The following XRCC4 variants were observed in gnomAD, a reference collection of about 807,000 sequenced individuals.
The protein encoded by XRCC4 is DNA repair protein XRCC4.
A neutral mutation model predicts 39.1 loss-of-function variants in XRCC4; 28 were observed. The observed-to-expected ratio is 0.72, with a 90% CI of 0.53 to 0.98. The LOEUF is 0.98. Among genes scored for constraint, XRCC4 ranks in the 50% least tolerant of loss-of-function variants. The pLI, the probability that XRCC4 is intolerant of heterozygous loss-of-function variation, is 0.00. For missense variants in XRCC4, 350 were observed against 376.4 expected, an observed-to-expected ratio of 0.93 and a Z score of 0.58; for synonymous variants, 123 against 126.4, an observed-to-expected ratio of 0.97 and a Z score of 0.18.
At chr5:83,106,966 A>G (rs1746229762) in intron 2 of XRCC4, among the ~76,000 whole-genome samples, 1 of 152,064 alleles carries the variant, frequency 6.6e-6, no homozygotes, top group Non-Finnish European at 1.5e-5. Context: ...GACATTTGTC[A>G]TAACTGCAGT....
At chr5:83,150,839 C>T (rs1473444816) in intron 3 of XRCC4, among the ~76,000 whole-genome samples, 1 of 152,014 alleles carries the variant, frequency 6.6e-6, no homozygotes, top group Non-Finnish European at 1.5e-5. Flanking sequence ...AAATTATTTG[C>T]TTGTATAATT....
At chr5:83,197,881 G>T (rs1293639806) in intron 4 of XRCC4, among the ~76,000 whole-genome samples, 1 of 152,092 alleles carries the variant, frequency 6.6e-6, no homozygotes, top group African/African-American at 2.4e-5. Context: ...TTGTATTCCA[G>T]ATCTTAGATT....
Position 83,111,070 on chromosome 5 carries a change from T to G in XRCC4, c.182T>G (p.Met61Arg). Residue 61 changes from methionine to arginine, a missense_variant, in exon 3 of 8, where the codon ATG becomes AGG. Met to Arg is a moderately conservative substitution (Grantham distance 91, BLOSUM62 -1). Coordinates refer to ENST00000396027, the MANE Select transcript of XRCC4 (RefSeq NM_003401.5). ...EISQEADDMAMEKGKYVGELR... is the reference protein window; with the variant it reads ...EISQEADDMAREKGKYVGELR... ...TCCCAAGAAGCTGATGACATGGCAA[T>G]GGAAAAAGGGAAATATGTTGGTGAA... 6.2e-7 allele frequency: 1 copy of G among 1,611,422 alleles called. No homozygotes were observed. The highest frequency in any genetic ancestry group is 1.1e-5 in the South Asian group (1 of 90,636).
chr5:83,212,778 T>C (rs576947205), intron 6 of XRCC4, among the ~76,000 whole-genome samples: 19 of 151,618 alleles, frequency 1.3e-4, no homozygotes, highest in African/African-American at 4.6e-4. Context: ...AATTCAAAAA[T>C]TAGCTGGGCA....
intron 6 of XRCC4, among the ~76,000 whole-genome samples, chr5:83,229,659 CTTTT>C (rs61356475): frequency 2.9e-5 from 3 of 103,706 alleles, no homozygotes; most frequent in Non-Finnish European, 5.8e-5. Context: ...AATGTTTAAA[CTTTT>C]TTTTTTTTTT....
chr5:83,340,599 G>T (rs756996756), intron 7 of XRCC4, among the ~76,000 whole-genome samples: 1 of 150,800 alleles, frequency 6.6e-6, no homozygotes, highest in African/African-American at 2.4e-5. Context: ...AAGACAGGAA[G>T]GGAGTGGCCT....
At chr5:83,257,980 C>CT (rs1753609691) in intron 6 of XRCC4, among the ~76,000 whole-genome samples, 1 of 152,014 alleles carries the variant, frequency 6.6e-6, no homozygotes, top group African/African-American at 2.4e-5. Context: ...TAAGTGGGAG[C>CT]TGAACAATGA....
intron 3 of XRCC4, among the ~76,000 whole-genome samples, chr5:83,121,718 T>C (rs1747016566): frequency 6.6e-6 from 1 of 152,162 alleles, no homozygotes; most frequent in African/African-American, 2.4e-5. Flanking sequence ...TTGAGGAACT[T>C]ACTTTTTTTT....
chr5:83,141,272 C>A (rs550782716), intron 3 of XRCC4, among the ~76,000 whole-genome samples: 40 of 152,196 alleles, frequency 2.6e-4, no homozygotes, highest in South Asian at 2.1e-3. Flanking sequence ...CAATGAATAA[C>A]CTATGTATTT....
chr5:83,152,434 C>G (rs929514610), intron 3 of XRCC4, among the ~76,000 whole-genome samples: 1 of 151,970 alleles, frequency 6.6e-6, no homozygotes, highest in Non-Finnish European at 1.5e-5. Flanking sequence ...GGATTCGAGA[C>G]TCAGCCTGAC....
chr5:83,253,455 A>T (rs1057373785), intron 6 of XRCC4, among the ~76,000 whole-genome samples: 5 of 151,866 alleles, frequency 3.3e-5, no homozygotes, highest in African/African-American at 1.2e-4. Context: ...CTACATTGCC[A>T]CAACTGTGAA....
chr5:83,202,617 ATATG>A (rs1400003564), intron 4 of XRCC4, among the ~76,000 whole-genome samples: 1 of 152,172 alleles, frequency 6.6e-6, no homozygotes, highest in African/African-American at 2.4e-5. Context: ...CTACTGGTAT[ATATG>A]TGTGTGTGTG....
intron 3 of XRCC4, among the ~76,000 whole-genome samples, chr5:83,172,929 T>A (rs6890735): frequency 1.3e-5 from 2 of 152,060 alleles, no homozygotes; most frequent in East Asian, 1.9e-4. Flanking sequence ...GTGGCTGTTC[T>A]TAGTGATGAC....
At chr5:83,116,608 CTTTTT>C (rs559079642) in intron 3 of XRCC4, among the ~76,000 whole-genome samples, 7 of 103,196 alleles carry the variant, frequency 6.8e-5, no homozygotes, top group Admixed American at 4.0e-4. Flanking sequence ...TTCTCTCTCT[CTTTTT>C]TTTTTTTTTT....
chr5:83,282,510 T>C (rs1196707411), intron 7 of XRCC4, among the ~76,000 whole-genome samples: 1 of 151,810 alleles, frequency 6.6e-6, no homozygotes, highest in Non-Finnish European at 1.5e-5. Context: ...TAAGGTTCCA[T>C]GTGAGACTTT....
downstream of XRCC4, among the ~76,000 whole-genome samples, chr5:83,358,171 T>C (rs1757211105): frequency 6.6e-6 from 1 of 152,164 alleles, no homozygotes; most frequent in Non-Finnish European, 1.5e-5. Context: ...CTAAAGTGGT[T>C]TTCTCCGTAT....
chr5:83,172,708 A>C (rs995975231), intron 3 of XRCC4, among the ~76,000 whole-genome samples: 1 of 152,192 alleles, frequency 6.6e-6, no homozygotes, highest in Non-Finnish European at 1.5e-5. Context: ...GTTAAAAAGA[A>C]TCATAGATTG....
downstream of XRCC4, among the ~76,000 whole-genome samples, chr5:83,354,114 G>A (rs1174814097): frequency 6.6e-6 from 1 of 152,172 alleles, no homozygotes; most frequent in Non-Finnish European, 1.5e-5. Context: ...CCACCATGTT[G>A]CTAAATCCAG....
At chr5:83,167,179 G>A (rs1299226022) in intron 3 of XRCC4, among the ~76,000 whole-genome samples, 8 of 151,878 alleles carry the variant, frequency 5.3e-5, no homozygotes, top group Non-Finnish European at 1.2e-4. Flanking sequence ...ACTGAACCCA[G>A]CCCTCATTAT....
Sources: gnomAD v4.1 joint callset for allele counts (sites outside exome capture counted in the v4.1 genomes callset) on GRCh38, gnomAD v4.1.1 for gene constraint, MANE v1.5 for transcripts, NCBI Gene and HGNC (gene_info 2026-07-23, HGNC 2026-07-21) for gene names.